The following EPB41L2 variants were observed in gnomAD, a reference collection of about 807,000 sequenced individuals.
EPB41L2 encodes band 4.1-like protein 2.
A neutral mutation model predicts 113.0 loss-of-function variants in EPB41L2; 43 were observed. The ratio of observed to expected loss-of-function variants is 0.38; its 90% confidence interval spans 0.30 to 0.49. The LOEUF (loss-of-function observed/expected upper bound fraction) is 0.49. Among genes scored for constraint, EPB41L2 ranks in the 20% least tolerant of loss-of-function variants. The pLI, the probability that EPB41L2 is intolerant of heterozygous loss-of-function variation, is 0.95. For synonymous variants in EPB41L2, 442 were observed against 436.7 expected (o/e 1.01, Z -0.15); for missense variants, 1,147 against 1,223.4 (o/e 0.94, Z 0.93).
intron 4 of EPB41L2, among the ~76,000 whole-genome samples, chr6:130,909,066 T>C (rs546944143): frequency 6.6e-6 from 1 of 152,322 alleles, no homozygotes; most frequent in South Asian, 2.1e-4. Context: ...GTGTGTACTA[T>C]AAGTAAAATA....
chr6:130,980,327 G>A (rs768501480), intron 1 of EPB41L2, among the ~76,000 whole-genome samples: 18 of 152,102 alleles, frequency 1.2e-4, no homozygotes, highest in Admixed American at 3.9e-4. Context: ...TTTTTGTTTG[G>A]TGCAGTCTTT....
chr6:131,002,815 C>T (rs1352315943), intron 1 of EPB41L2, among the ~76,000 whole-genome samples: 1 of 152,162 alleles, frequency 6.6e-6, no homozygotes, highest in African/African-American at 2.4e-5. Context: ...AACTAAACAG[C>T]TGTGTTTGGG....
At chr6:130,958,332 A>T (rs908476123) in intron 1 of EPB41L2, among the ~76,000 whole-genome samples, 1 of 151,970 alleles carries the variant, frequency 6.6e-6, no homozygotes, top group African/African-American at 2.4e-5. Context: ...CGTCTCTGTA[A>T]TCCCAGCTAC....
rs141426732 is a variant in EPB41L2, at chr6:131,001,349, G to C, written c.-14-44850C>G. On this transcript the variant is annotated intron_variant, in intron 1 of 19. Transcript: ENST00000337057. Reference sequence around the variant, plus strand: ...AAAGAGAAAGAGAGCACGTGAGCGCGAACAAGCATGTGCAGGCAAGCAGTC... The same window carrying C: ...AAAGAGAAAGAGAGCACGTGAGCGCCAACAAGCATGTGCAGGCAAGCAGTC... Among the ~76,000 whole-genome samples, 264 of 152,194 alleles carry C rather than the reference G, an allele frequency of 1.7e-3. 2 individuals carry two copies. In the East Asian group the frequency reaches 0.02, roughly 12 times the overall value.
intron 3 of EPB41L2, among the ~76,000 whole-genome samples, chr6:130,941,830 C>T (rs1424687720): frequency 6.6e-6 from 1 of 152,030 alleles, no homozygotes; most frequent in African/African-American, 2.4e-5. Flanking sequence ...GAGCTTGTGC[C>T]CTCAGGTGCC....
chr6:131,024,388 T>C (rs1790354786), intron 1 of EPB41L2, among the ~76,000 whole-genome samples: 1 of 152,028 alleles, frequency 6.6e-6, no homozygotes, highest in South Asian at 2.1e-4. Flanking sequence ...GGGTCTTGTA[T>C]CCAGGCCAAG....
In EPB41L2 at chr6:130,885,199, T is replaced by A. The variant is rs755663986; in HGVS notation, c.1730A>T (p.Tyr577Phe). ...FPGAAGEISA[Y>F]GPGLVSIAVV... ...GGCAATGCTGACAAGTCCAGGTCCA[T>A]AGGCTGAAATCTCCCCAGCAGCGCC... is the stretch of plus-strand genomic sequence containing the variant. Residue 577 changes from tyrosine to phenylalanine, a missense_variant, in exon 12 of 20, where the codon TAT (tyrosine) becomes TTT (phenylalanine). Transcript: ENST00000337057. 1.2e-6 allele frequency: 2 copies of A among 1,614,030 alleles called. No individual in the cohort carries two copies. The highest frequency in any genetic ancestry group is 2.2e-5 in the South Asian group (2 of 91,094).
intron 3 of EPB41L2, among the ~76,000 whole-genome samples, chr6:130,952,575 G>A (rs943334904): frequency 1.3e-5 from 2 of 152,128 alleles, no homozygotes; most frequent in African/African-American, 4.8e-5. Context: ...CAGCACTTGG[G>A]AGGCCAAGGT....
At chr6:131,053,592 T>C (rs748436370) in intron 1 of EPB41L2, among the ~76,000 whole-genome samples, 1 of 152,058 alleles carries the variant, frequency 6.6e-6, no homozygotes, top group Admixed American at 6.6e-5. Context: ...TAGCAACTGG[T>C]CAGCTGCTTA....
At chr6:130,856,911 C>T (rs1375229106) in intron 19 of EPB41L2, among the ~76,000 whole-genome samples, 2 of 152,022 alleles carry the variant, frequency 1.3e-5, no homozygotes, top group Non-Finnish European at 2.9e-5. Flanking sequence ...CTAATACTAG[C>T]AAATATAATA....
chr6:130,895,096 C>G lies in EPB41L2; in HGVS notation c.1260G>C (p.Lys420Asn). The G allele has an allele frequency of 6.2e-7, 1 of 1,611,894 alleles. No homozygotes were observed. The highest frequency in any genetic ancestry group is 8.5e-7 in the Non-Finnish European group (1 of 1,178,696). The change falls in exon 9 of 20, where the codon AAG (lysine) becomes AAC (asparagine). Residue 420 changes from lysine (K) to asparagine (N), a missense_variant. By Grantham distance (94) the Lys-to-Asn change is moderately conservative. Transcript: ENST00000337057. ...HAKDSEGVDI[K>N]LGVCANGLLI... The stretch of plus-strand genomic sequence containing the variant: ...GAAGTCCATTAGCACACACGCCCAG[C>G]TTGATGTCCACACCTTCTGAGTCCT...
At chr6:130,905,775 C>T (rs1397999594) in intron 5 of EPB41L2, among the ~76,000 whole-genome samples, 1 of 152,096 alleles carries the variant, frequency 6.6e-6, no homozygotes, top group Non-Finnish European at 1.5e-5. Context: ...AATTTATGAA[C>T]CTGAAGAAAA....
Position 130,922,411 on chromosome 6 carries a change from G to A in EPB41L2, c.810+4194C>T, listed in dbSNP as rs373744522. Among the ~76,000 whole-genome samples the A allele has an allele frequency of 3.3e-4, 51 of 152,300 alleles. No individual in the cohort carries two copies. In the East Asian group the frequency reaches 7.1e-3, roughly 21 times the overall value. On this transcript the variant is annotated intron_variant, in intron 4 of 19. Transcript: ENST00000337057. ...ATGGTATTCTTCTACTTCCAGTTGT[G>A]ATAGCTATGAAAAACTGTGCCCATT...
intron 8 of EPB41L2, among the ~76,000 whole-genome samples, chr6:130,898,457 T>G (rs748226402): frequency 2.0e-5 from 3 of 152,142 alleles, no homozygotes; most frequent in Non-Finnish European, 4.4e-5. Context: ...CATAAGGAAA[T>G]GTTGACTCTG....
chr6:130,972,323 C>CAAAAAAA (rs56878009), intron 1 of EPB41L2, among the ~76,000 whole-genome samples: 3 of 76,622 alleles, frequency 3.9e-5, no homozygotes, highest in Admixed American at 1.6e-4. Context: ...GACTCCATCT[C>CAAAAAAA]AAAAAAAAAA....
In EPB41L2 at chr6:130,885,163, T is replaced by A; in HGVS notation, c.1766A>T (p.Asp589Val). The change falls in exon 12 of 20, where the codon GAT (aspartate) becomes GTT (valine). Residue 589 changes from aspartate to valine, a missense_variant. Asp to Val is a radical substitution (Grantham distance 152). Transcript: ENST00000337057. ...TCTCACTTCCCTCCTGCCGTCCCCA[T>A]CTTGTACCACGGCAATGCTGACAAG... ...PGLVSIAVVQDGDGRREVRSP... is the reference protein window; with the variant it reads ...PGLVSIAVVQVGDGRREVRSP... 1 of 1,614,144 alleles carries A rather than the reference T, an allele frequency of 6.2e-7. No individual in the cohort carries two copies. The highest frequency in any genetic ancestry group is 8.5e-7 in the Non-Finnish European group (1 of 1,180,016).
Position 131,021,484 on chromosome 6 carries a change from C to T in EPB41L2, c.-15+41671G>A, listed in dbSNP as rs923909205. On this transcript the variant is annotated intron_variant, in intron 1 of 19. Transcript: ENST00000337057. ...AAAAACCCTCAGGAAAAAGGGAATC[C>T]TATTTAAAAATGGCAATAAACAAAA... Among the ~76,000 whole-genome samples, 6 of 151,990 alleles carry T rather than the reference C, an allele frequency of 3.9e-5. No individual in the cohort carries two copies. In the South Asian group the frequency reaches 8.3e-4, roughly 21 times the overall value.
chr6:131,032,669 A>G (rs1792423827), intron 1 of EPB41L2, among the ~76,000 whole-genome samples: 1 of 152,206 alleles, frequency 6.6e-6, no homozygotes, highest in Admixed American at 6.5e-5. Context: ...TCAAGTCACA[A>G]AAGAATTATT....
chr6:131,019,754 AGAT>A (rs1789028295), intron 1 of EPB41L2, among the ~76,000 whole-genome samples: 1 of 152,292 alleles, frequency 6.6e-6, no homozygotes, highest in Middle Eastern at 3.4e-3. Flanking sequence ...TATGTATAAT[AGAT>A]TTTTTTTCTG....
Sources: gnomAD v4.1 joint callset for allele counts (sites outside exome capture counted in the v4.1 genomes callset) on GRCh38, gnomAD v4.1.1 for gene constraint, MANE v1.5 for transcripts, NCBI Gene and HGNC (gene_info 2026-07-23, HGNC 2026-07-21) for gene names.